Variants in ITGA6 observed in about 807,000 individuals in gnomAD.
The protein encoded by ITGA6 is integrin subunit alpha 6, also known as integrin alpha-6.
Under a neutral mutation model 133.6 loss-of-function variants are expected in ITGA6, and 63 were observed. That is an observed-to-expected ratio of 0.47 (90% CI 0.38 to 0.58). The LOEUF is 0.58. Ranked by LOEUF, ITGA6 falls within the 20% of genes least tolerant of loss-of-function variation. ITGA6 has a pLI of 0.00. For synonymous variants in ITGA6, 434 were observed against 482.0 expected (o/e 0.90, Z 1.30); for missense variants, 1,068 against 1,309.4 (o/e 0.82, Z 2.85).
rs764802090 is a variant in ITGA6, at chr2:172,501,871, G to C, written c.3214G>C (p.Asp1072His). The C allele has an allele frequency of 6.2e-7, 1 of 1,612,244 alleles. No homozygotes were observed. Among genetic ancestry groups the C allele is most frequent in the South Asian group, 1.1e-5 (1 of 90,978 alleles). The change falls in exon 25 of 26, where the codon GAT (aspartate) becomes CAT (histidine). Residue 1072 changes from aspartate (D) to histidine (H), a missense_variant. Physicochemically the swap from Asp to His is moderately conservative, Grantham distance 81. This residue lies in a region of ITGA6 where 609 missense variants were observed against 707.2 expected (regional missense o/e 0.86). Transcript: ENST00000684293. Reference protein sequence around the residue: ...QPSDKERLTSDA With the variant: ...QPSDKERLTSHA ...ATCTGATAAAGAGAGGCTTACTTCT[G>C]ATGCATAGTATTGATCTACTTCTGT...
At chr2:172,428,567 G>A in intron 1 of ITGA6, 1 of 141,142 alleles carries the variant, frequency 7.1e-6, no homozygotes. Flanking sequence ...AAAAAAGATG[G>A]GGGTGGGGGC....
At chr2:172,472,028 A>T (rs1244649082) in intron 5 of ITGA6, among the ~76,000 whole-genome samples, 1 of 152,280 alleles carries the variant, frequency 6.6e-6, no homozygotes, top group Non-Finnish European at 1.5e-5. Context: ...ACACGCACTA[A>T]TAAGTTGTTC....
intron 1 of ITGA6, among the ~76,000 whole-genome samples, chr2:172,462,627 A>C (rs577141553): frequency 1.3e-5 from 2 of 152,316 alleles, no homozygotes; most frequent in African/African-American, 4.8e-5. Flanking sequence ...TTAAATGCCT[A>C]TTCTTTGTCC....
chr2:172,462,381 G>A (rs190435361), intron 1 of ITGA6, among the ~76,000 whole-genome samples: 321 of 152,344 alleles, frequency 2.1e-3, no homozygotes, highest in African/African-American at 7.3e-3. Context: ...CAGAGGCGGT[G>A]CAACAGCTAA....
chr2:172,496,301 T>C (rs1687125970), intron 23 of ITGA6, among the ~76,000 whole-genome samples: 1 of 152,204 alleles, frequency 6.6e-6, no homozygotes, highest in Non-Finnish European at 1.5e-5. Context: ...GAAAACCTCA[T>C]TTAGAGCATA....
At chr2:172,447,607 T>C (rs1249044067) in intron 1 of ITGA6, among the ~76,000 whole-genome samples, 1 of 152,220 alleles carries the variant, frequency 6.6e-6, no homozygotes, top group East Asian at 1.9e-4. Flanking sequence ...CCAGTTGCTT[T>C]TGTGATTTTT....
At chr2:172,465,271 C>A in intron 1 of ITGA6, 1 of 528,778 alleles carries the variant, frequency 1.9e-6, no homozygotes, top group Non-Finnish European at 3.4e-6. Context: ...CAGATCATAC[C>A]CAGCAAGAAA....
At chr2:172,444,759 TC>T (rs372649560) in intron 1 of ITGA6, among the ~76,000 whole-genome samples, 2,521 of 133,314 alleles carry the variant, frequency 0.019, 55 homozygotes, top group South Asian at 0.088. Flanking sequence ...GCCACGTATT[TC>T]CCCCCCACAA....
At chr2:172,451,024 A>G (rs7587375) in intron 1 of ITGA6, among the ~76,000 whole-genome samples, 78,275 of 149,048 alleles carry the variant, frequency 0.53, 23,026 homozygotes, top group East Asian at 0.85. Flanking sequence ...ACGTGGGGGC[A>G]CATTCCTGTA....
In ITGA6 at chr2:172,427,649, CCGTCCCGGGGGTG is replaced by C. The variant is rs934231891; in HGVS notation, c.-139_-127del. The C allele has an allele frequency of 1.2e-5, 16 of 1,302,078 alleles. No homozygotes were observed. The highest frequency in any genetic ancestry group is 1.6e-5 in the Non-Finnish European group (16 of 1,027,922). The allele number at this position is 1,302,078 out of a possible 1,614,324, so 80.7% of individuals were successfully genotyped here. A position where few individuals can be genotyped will look rare whatever the true frequency, so the allele number is the denominator to read the frequency against. On this transcript the variant is annotated 5_prime_UTR_variant, in exon 1 of 26. Coordinates refer to ENST00000684293, the MANE Select transcript of ITGA6 (RefSeq NM_000210.4). Reference sequence around the variant, plus strand: ...GGAGCGGCCGGACGGAGAGCGCGACCCGTCCCGGGGGTGGGGCCGGGCGCAGCGGCGAGAGGAG... The same window carrying C: ...GGAGCGGCCGGACGGAGAGCGCGACCGGGCCGGGCGCAGCGGCGAGAGGAG...
intron 2 of ITGA6, among the ~76,000 whole-genome samples, chr2:172,466,778 A>C (rs550760457): frequency 2.2e-4 from 32 of 147,990 alleles, no homozygotes; most frequent in Non-Finnish European, 4.2e-4. Context: ...CTTCTGTCTA[A>C]AGTTGTTTAA....
chr2:172,443,832 T>C (rs1450433626), intron 1 of ITGA6, among the ~76,000 whole-genome samples: 1 of 152,152 alleles, frequency 6.6e-6, no homozygotes, highest in South Asian at 2.1e-4. Context: ...GGAGTACGAG[T>C]GGTGCACTCA....
chr2:172,445,667 GAAAA>G (rs1325005662), intron 1 of ITGA6, among the ~76,000 whole-genome samples: 1 of 132,260 alleles, frequency 7.6e-6, no homozygotes. Context: ...AAAAAAAAAA[GAAAA>G]AAAAAAGCCT....
chr2:172,469,409 G>C, intron 4 of ITGA6, 29 bp downstream of exon 4: 2 of 1,578,144 alleles, frequency 1.3e-6, no homozygotes, highest in Middle Eastern at 1.7e-4. Context: ...TAGAAATAGA[G>C]ATTAGTTCCC....
intron 1 of ITGA6, among the ~76,000 whole-genome samples, chr2:172,459,781 C>A (rs1006539315): frequency 1.1e-4 from 16 of 152,202 alleles, no homozygotes; most frequent in African/African-American, 3.9e-4. Flanking sequence ...AATCCAGTTA[C>A]CCCAGGATAG....
chr2:172,439,196 A>C (rs527865091), intron 1 of ITGA6, among the ~76,000 whole-genome samples: 24 of 151,802 alleles, frequency 1.6e-4, no homozygotes, highest in Non-Finnish European at 3.2e-4. Flanking sequence ...GCAGCAGGAG[A>C]GCCAAGGCTG....
chr2:172,476,204 A>G (rs1192416823), intron 8 of ITGA6, among the ~76,000 whole-genome samples, 191 bp from the exon 9 acceptor site: 2 of 152,240 alleles, frequency 1.3e-5, no homozygotes, highest in African/African-American at 2.4e-5. Flanking sequence ...TGTAAATCGG[A>G]TGACTTTTAT....
chr2:172,433,601 C>G (rs1559111315), intron 1 of ITGA6, among the ~76,000 whole-genome samples: 1 of 152,278 alleles, frequency 6.6e-6, no homozygotes, highest in East Asian at 1.9e-4. Flanking sequence ...GAAACCAAGG[C>G]TGTAAGAGGT....
chr2:172,492,947 T>TA (rs1197432193), intron 23 of ITGA6, among the ~76,000 whole-genome samples: 2 of 152,166 alleles, frequency 1.3e-5, no homozygotes, highest in African/African-American at 4.8e-5. Context: ...CTTGCTCTGT[T>TA]ACCCAGGCTG....
Sources: gnomAD v4.1 joint callset for allele counts (sites outside exome capture counted in the v4.1 genomes callset) on GRCh38, gnomAD v4.1.1 for gene constraint, gnomAD v4.1.1 regional missense constraint, MANE v1.5 for transcripts, NCBI Gene and HGNC (gene_info 2026-07-23, HGNC 2026-07-21) for gene names.